NDE1: variants seen among roughly 807,000 people sequenced by gnomAD.
NDE1 encodes nuclear distribution protein nudE homolog 1.
A neutral mutation model predicts 43.4 loss-of-function variants in NDE1; 28 were observed. The ratio of observed to expected loss-of-function variants is 0.65; its 90% CI spans 0.48 to 0.89. The LOEUF is 0.89. Among genes scored for constraint, NDE1 ranks in the 40% least tolerant of loss-of-function variants. The pLI, the probability that NDE1 is intolerant of heterozygous loss-of-function variation, is 0.00. For missense variants in NDE1, 441 were observed against 434.1 expected (o/e 1.02, Z -0.14); for synonymous variants, 184 against 172.0 (o/e 1.07, Z -0.55).
intron 1 of NDE1, among the ~76,000 whole-genome samples, chr16:15,654,224 G>T (rs1009087181): frequency 6.6e-6 from 1 of 152,042 alleles, no homozygotes; most frequent in Admixed American, 6.6e-5. Context: ...ATGCATGTGG[G>T]GTGCATTTTT....
At chr16:15,681,353 C>T (rs1392619895) in intron 4 of NDE1, among the ~76,000 whole-genome samples, 1 of 136,766 alleles carries the variant, frequency 7.3e-6, no homozygotes, top group East Asian at 2.2e-4. Flanking sequence ...GGAGCCTTGA[C>T]CTCCTGGGGC....
intron 4 of NDE1, 47 bp downstream of exon 4, chr16:15,677,996 T>G (rs775971079): frequency 4.3e-6 from 7 of 1,610,736 alleles, no homozygotes; most frequent in Non-Finnish European, 5.9e-6. Context: ...TCCTCTCTGC[T>G]TTTTGTCCCC....
At chr16:15,677,759 G>A (rs778655249) in intron 3 of NDE1, 42 bp from the exon 4 acceptor site, 2 of 1,612,784 alleles carry the variant, frequency 1.2e-6, no homozygotes, top group South Asian at 2.2e-5. Context: ...AGCCTTCTCA[G>A]AAGTCTTAAG....
chr16:15,703,463 T>TA (rs1418022498), intron 8 of NDE1: 3 of 241,240 alleles, frequency 1.2e-5, no homozygotes, highest in Non-Finnish European at 1.6e-5. Context: ...TATGTTTTTC[T>TA]AAAAACTCAG....
chr16:15,679,424 A>T (rs2038060812), intron 4 of NDE1, among the ~76,000 whole-genome samples: 1 of 151,620 alleles, frequency 6.6e-6, no homozygotes, highest in African/African-American at 2.4e-5. Flanking sequence ...TTCCCTAATT[A>T]TTTTTTTGTC....
intron 8 of NDE1, chr16:15,717,103 C>A: frequency 3.7e-6 from 6 of 1,605,314 alleles, no homozygotes; most frequent in Non-Finnish European, 5.1e-6. Flanking sequence ...TCCATCACCC[C>A]CCTGCAAACT....
At position 15,694,543 on chromosome 16, in the gene NDE1, T is replaced by C. The variant is rs1167336453; in HGVS notation, c.795+287T>C. On this transcript the variant is annotated intron_variant, in intron 7 of 8. Coordinates refer to ENST00000396354, the MANE Select transcript of NDE1 (RefSeq NM_017668.3). ...TCATTTTTTTGTAGTAATGTGGGTATCGCTGTGTTGCCCAGGCTGGTCTTA... is the reference window on the plus strand; with the variant it reads ...TCATTTTTTTGTAGTAATGTGGGTACCGCTGTGTTGCCCAGGCTGGTCTTA... 4 of 824,676 alleles carry C rather than the reference T, an allele frequency of 4.9e-6. No individual in the cohort carries two copies. The African/African-American group carries it at 7.4e-5, about 15-fold the overall frequency. The allele number at this position is 824,676 out of a possible 1,614,324, so 51.1% of individuals were successfully genotyped here.
At chr16:15,696,918 G>C in intron 8 of NDE1, 58 bp downstream of exon 8, 1 of 1,597,638 alleles carries the variant, frequency 6.3e-7, no homozygotes, top group Non-Finnish European at 8.5e-7. Flanking sequence ...CCCCAGGCAA[G>C]AGACACTCAC....
chr16:15,694,581 C>T, intron 7 of NDE1: 1 of 962,460 alleles, frequency 1.0e-6, no homozygotes, highest in Non-Finnish European at 1.2e-6. Context: ...CTCCTGGCCT[C>T]AAGTGATCCT....
At chr16:15,692,047 C>T (rs76342947) in intron 6 of NDE1, among the ~76,000 whole-genome samples, 415 of 152,056 alleles carry the variant, frequency 2.7e-3, no homozygotes, top group African/African-American at 9.3e-3. Context: ...CTAGACTCAG[C>T]GTAACGTGTG....
chr16:15,649,971 G>A (rs540712615), upstream of NDE1, among the ~76,000 whole-genome samples: 1 of 152,350 alleles, frequency 6.6e-6, no homozygotes, highest in African/African-American at 2.4e-5. Context: ...CGTTTCCCGG[G>A]TGTCCAGGCA....
intron 8 of NDE1, among the ~76,000 whole-genome samples, chr16:15,708,426 A>G (rs539928520): frequency 2.4e-4 from 37 of 152,216 alleles, no homozygotes; most frequent in Non-Finnish European, 4.7e-4. Context: ...TTCACTGGAC[A>G]AGGGAGGACA....
At chr16:15,661,966 C>A (rs2151427348) in intron 1 of NDE1, among the ~76,000 whole-genome samples, 1 of 152,208 alleles carries the variant, frequency 6.6e-6, no homozygotes, top group Non-Finnish European at 1.5e-5. Context: ...CAAGGTCTCA[C>A]TCTCTTGCCC....
intron 4 of NDE1, among the ~76,000 whole-genome samples, chr16:15,680,696 C>T (rs557500872): frequency 1.3e-5 from 2 of 152,132 alleles, no homozygotes; most frequent in East Asian, 1.9e-4. Context: ...CCCCCCACCA[C>T]GCCTGGCTAA....
intron 8 of NDE1, chr16:15,717,052 A>C: frequency 7.2e-7 from 1 of 1,387,566 alleles, no homozygotes; most frequent in Non-Finnish European, 1.0e-6. Flanking sequence ...GCCAGAACTG[A>C]TGCTGGAAGA....
At position 15,725,261 on chromosome 16, in the gene NDE1, A is replaced by G. The variant is rs1163907812; in HGVS notation, c.*1010A>G. 1.7e-5 allele frequency: 10 copies of G among 590,878 alleles called. No individual in the cohort carries two copies. Among genetic ancestry groups the G allele is most frequent in the East Asian group, 8.5e-5 (3 of 35,114 alleles). The allele number at this position is 590,878 out of a possible 1,614,324, so 36.6% of individuals were successfully genotyped here. ...GTTCTAAGAACTTATTTGAGCCCCA[A>G]TGGTATTGACTGGGACCTGATCCCA... On this transcript the variant is annotated 3_prime_UTR_variant, in exon 9 of 9. Coordinates refer to ENST00000396354, the MANE Select transcript of NDE1 (RefSeq NM_017668.3).
At chr16:15,655,304 C>T (rs968288292) in intron 1 of NDE1, among the ~76,000 whole-genome samples, 1 of 152,160 alleles carries the variant, frequency 6.6e-6, no homozygotes, top group African/African-American at 2.4e-5. Context: ...AGGCGTGCAT[C>T]GTGACGCCCT....
intron 8 of NDE1, chr16:15,718,877 C>T (rs776175944): frequency 2.9e-5 from 12 of 414,924 alleles, no homozygotes; most frequent in Non-Finnish European, 5.0e-5. Flanking sequence ...CCTGTAATCA[C>T]AGCACTTTGG....
At chr16:15,653,252 A>C (rs950433259) in intron 1 of NDE1, among the ~76,000 whole-genome samples, 17 of 152,142 alleles carry the variant, frequency 1.1e-4, no homozygotes, top group Middle Eastern at 3.2e-3. Context: ...AGTTTTCCAC[A>C]TTCGTGAATG....
Sources: allele counts gnomAD v4.1 joint callset (sites outside exome capture counted in the v4.1 genomes callset), GRCh38; gene constraint gnomAD v4.1.1; transcripts MANE v1.5; gene names NCBI Gene and HGNC (gene_info 2026-07-23, HGNC 2026-07-21).